INPP4B: variants seen among roughly 807,000 people sequenced by gnomAD.
INPP4B encodes inositol polyphosphate 4-phosphatase type II.
In INPP4B, 55 loss-of-function variants were observed where a neutral mutation model predicts 122.5. That is an observed-to-expected ratio of 0.45 (90% CI 0.36 to 0.56). The LOEUF is 0.56. INPP4B is among the 20% of genes least tolerant of loss of function. The pLI is 0.00. For synonymous variants in INPP4B, 403 were observed against 388.7 expected (o/e 1.04, Z -0.43); for missense variants, 1,000 against 1,097.7 (o/e 0.91, Z 1.26).
intron 2 of INPP4B, among the ~76,000 whole-genome samples, chr4:142,714,882 A>G (rs1763568056): frequency 2.6e-5 from 4 of 152,240 alleles, no homozygotes; most frequent in African/African-American, 9.6e-5. Context: ...TTGTTCTACA[A>G]ATCAGACTGG....
At chr4:142,239,356 C>T (rs1486748344) in intron 11 of INPP4B, among the ~76,000 whole-genome samples, 1 of 152,046 alleles carries the variant, frequency 6.6e-6, no homozygotes, top group African/African-American at 2.4e-5. Flanking sequence ...CAACAGAAGC[C>T]AGAAGAAAGT....
chr4:142,296,472 T>C (rs1371917479), intron 9 of INPP4B, among the ~76,000 whole-genome samples: 2 of 152,172 alleles, frequency 1.3e-5, no homozygotes, highest in Non-Finnish European at 2.9e-5. Flanking sequence ...TATCCTGTCT[T>C]GGAAAACAAA....
chr4:142,388,235 T>C (rs1454969162), intron 7 of INPP4B, among the ~76,000 whole-genome samples: 1 of 152,232 alleles, frequency 6.6e-6, no homozygotes, highest in African/African-American at 2.4e-5. Context: ...CCACTCGGCA[T>C]GGCTAAAGCC....
intron 2 of INPP4B, among the ~76,000 whole-genome samples, chr4:142,465,324 T>C (rs1817570973): frequency 6.6e-6 from 1 of 152,114 alleles, no homozygotes; most frequent in Non-Finnish European, 1.5e-5. Flanking sequence ...TAAAACCCAA[T>C]GAAGTGTATA....
intron 3 of INPP4B, among the ~76,000 whole-genome samples, chr4:142,459,956 CTT>C (rs1816364354): frequency 1.3e-5 from 2 of 152,174 alleles, no homozygotes; most frequent in African/African-American, 2.4e-5. Context: ...GCCTTTAAGT[CTT>C]TGCCTGCAGT....
intron 2 of INPP4B, among the ~76,000 whole-genome samples, chr4:142,699,763 G>C (rs1208921620): frequency 1.3e-5 from 2 of 152,008 alleles, no homozygotes; most frequent in African/African-American, 4.8e-5. Context: ...CCCATCAAAA[G>C]GTATGCAATA....
intron 11 of INPP4B, among the ~76,000 whole-genome samples, chr4:142,254,403 T>A (rs1229182223): frequency 7.0e-6 from 1 of 143,542 alleles, no homozygotes; most frequent in Non-Finnish European, 1.5e-5. Context: ...ATCAAATTAC[T>A]CCGAGCTACG....
intron 2 of INPP4B, among the ~76,000 whole-genome samples, chr4:142,631,940 A>T (rs576794588): frequency 2.4e-4 from 37 of 152,068 alleles, no homozygotes; most frequent in African/African-American, 8.4e-4. Flanking sequence ...AGGCAGCAAG[A>T]CAGACAGATC....
intron 2 of INPP4B, among the ~76,000 whole-genome samples, chr4:142,525,876 A>C (rs1826844239): frequency 6.6e-6 from 1 of 151,648 alleles, no homozygotes; most frequent in African/African-American, 2.4e-5. Flanking sequence ...AACAAAAGAC[A>C]AAATTGACAA....
chr4:142,407,461 G>C (rs1261169398), intron 5 of INPP4B, among the ~76,000 whole-genome samples: 1 of 152,088 alleles, frequency 6.6e-6, no homozygotes. Context: ...TTATCAGAGA[G>C]ACTCTCACCC....
intron 17 of INPP4B, among the ~76,000 whole-genome samples, chr4:142,149,079 T>A (rs1812358853): frequency 6.6e-6 from 1 of 152,250 alleles, no homozygotes; most frequent in Non-Finnish European, 1.5e-5. Flanking sequence ...CCTCCTTCTC[T>A]TTTATGGCCT....
intron 2 of INPP4B, among the ~76,000 whole-genome samples, chr4:142,655,601 C>A (rs75089609): frequency 1.3e-5 from 2 of 151,982 alleles, no homozygotes; most frequent in Non-Finnish European, 2.9e-5. Context: ...CATGAGTCTA[C>A]GATTAAGTAA....
At chr4:142,634,445 T>C (rs879582626) in intron 2 of INPP4B, among the ~76,000 whole-genome samples, 2 of 152,104 alleles carry the variant, frequency 1.3e-5, no homozygotes, top group African/African-American at 4.8e-5. Context: ...GTAAACCTTA[T>C]GTAAGAAAAA....
rs1736703534 is a variant in INPP4B, at chr4:142,025,388, AC to A, written c.*3393del. The A allele has an allele frequency of 6.6e-6, 1 of 152,204 alleles. No homozygotes were observed. The highest frequency in any genetic ancestry group is 2.4e-5 in the African/African-American group (1 of 41,450). 9.4% of individuals were successfully genotyped at this position (152,204 alleles called of 1,614,324 possible). Reference sequence around the variant, plus strand: ...TGGGAAGTGGTATGTTTTGATTATTACATTGGTTTTTAATGTATTCCACTGT... The same window carrying A: ...TGGGAAGTGGTATGTTTTGATTATTAATTGGTTTTTAATGTATTCCACTGT... On this transcript the variant is annotated 3_prime_UTR_variant, in exon 26 of 26. Coordinates refer to ENST00000262992, the MANE Select transcript of INPP4B (RefSeq NM_001101669.3).
intron 3 of INPP4B, among the ~76,000 whole-genome samples, chr4:142,442,765 A>C (rs115949836): frequency 0.033 from 4,958 of 152,280 alleles, 175 homozygotes; most frequent in East Asian, 0.092. Context: ...TATGTCAGGC[A>C]CTGTATTAGT....
At chr4:142,075,557 T>C (rs10020896) in intron 25 of INPP4B, among the ~76,000 whole-genome samples, 3,885 of 152,080 alleles carry the variant, frequency 0.026, 184 homozygotes, top group African/African-American at 0.089. Context: ...GAGACTTTTT[T>C]CCTAAGACCT....
rs567476290 is a variant in INPP4B at position 142,254,962 on chromosome 4, G to T, written c.688+5530C>A. ...TTAAGGGCAGCCAGAGAGAAAGGTCGGGTTACCCTCAAAGGGAAGCCCATC... is the reference window on the plus strand; with the variant it reads ...TTAAGGGCAGCCAGAGAGAAAGGTCTGGTTACCCTCAAAGGGAAGCCCATC... On this transcript the variant is annotated intron_variant, in intron 11 of 25. Transcript: ENST00000262992. Among the ~76,000 whole-genome samples, 47 of 151,888 alleles carry T rather than the reference G, an allele frequency of 3.1e-4. 1 individual carries two copies. The highest frequency in any genetic ancestry group is 1.1e-3 in the African/African-American group (46 of 41,332).
intron 25 of INPP4B, among the ~76,000 whole-genome samples, chr4:142,043,580 G>A (rs575529255): frequency 4.0e-4 from 61 of 152,132 alleles, no homozygotes; most frequent in African/African-American, 1.5e-3. Context: ...AATGGCAGAT[G>A]TATTTGGGAA....
chr4:142,450,912 T>C (rs867068769), intron 3 of INPP4B, among the ~76,000 whole-genome samples: 1 of 152,086 alleles, frequency 6.6e-6, no homozygotes, highest in South Asian at 2.1e-4. Flanking sequence ...GGAGGAGGAC[T>C]AGAAGACATG....
Sources: gnomAD v4.1 joint callset for allele counts (sites outside exome capture counted in the v4.1 genomes callset) on GRCh38, gnomAD v4.1.1 for gene constraint, MANE v1.5 for transcripts, NCBI Gene and HGNC (gene_info 2026-07-23, HGNC 2026-07-21) for gene names.